GALNTL6: variants seen among roughly 807,000 people sequenced by gnomAD.
GALNTL6 encodes the protein polypeptide N-acetylgalactosaminyltransferase like 6.
A neutral mutation model predicts 73.7 loss-of-function variants in GALNTL6; 46 were observed. That is an observed-to-expected ratio of 0.62 (90% confidence interval 0.49 to 0.80). The LOEUF (loss-of-function observed/expected upper bound fraction) is 0.80, where lower values mean the gene tolerates loss of function less well. Among genes scored for constraint, GALNTL6 ranks in the 30% least tolerant of loss-of-function variants. The pLI, the probability that GALNTL6 is intolerant of heterozygous loss-of-function variation, is 0.00. For synonymous variants in GALNTL6, 259 were observed against 263.7 expected, an observed-to-expected ratio of 0.98 and a Z score of 0.17; for missense variants, 604 against 755.0, an observed-to-expected ratio of 0.80 and a Z score of 2.34.
chr4:172,110,895 G>T (rs1732831963), intron 2 of GALNTL6, among the ~76,000 whole-genome samples: 1 of 152,024 alleles, frequency 6.6e-6, no homozygotes, highest in Non-Finnish European at 1.5e-5. Flanking sequence ...ACCCACGGAA[G>T]AGAAAAGAAA....
chr4:172,024,871 C>A (rs1300941290), intron 2 of GALNTL6, among the ~76,000 whole-genome samples: 1 of 150,144 alleles, frequency 6.7e-6, no homozygotes, highest in African/African-American at 2.4e-5. Flanking sequence ...TTCCTTCCTC[C>A]CTGTCTAAAT....
intron 2 of GALNTL6, among the ~76,000 whole-genome samples, chr4:172,034,510 T>G (rs1192591929): frequency 6.6e-6 from 1 of 151,754 alleles, no homozygotes; most frequent in Non-Finnish European, 1.5e-5. Context: ...ATTCAGCATA[T>G]ATACTGTGGT....
intron 2 of GALNTL6, among the ~76,000 whole-genome samples, chr4:172,088,295 T>A (rs1376778541): frequency 6.6e-6 from 1 of 152,206 alleles, no homozygotes; most frequent in Non-Finnish European, 1.5e-5. Context: ...TTATTAGCCC[T>A]CTTCATCATA....
intron 5 of GALNTL6, among the ~76,000 whole-genome samples, chr4:172,594,382 T>C (rs1457118358): frequency 6.6e-6 from 1 of 152,122 alleles, no homozygotes; most frequent in East Asian, 1.9e-4. Context: ...TCAACTTCTA[T>C]TAATACCCAT....
chr4:172,197,354 T>C (rs1312463427), intron 2 of GALNTL6, among the ~76,000 whole-genome samples: 1 of 152,124 alleles, frequency 6.6e-6, no homozygotes, highest in Non-Finnish European at 1.5e-5. Context: ...ACCATGAAAA[T>C]GACCATACTG....
chr4:172,205,979 A>G (rs1736097580), intron 2 of GALNTL6, among the ~76,000 whole-genome samples: 2 of 152,116 alleles, frequency 1.3e-5, no homozygotes, highest in Non-Finnish European at 2.9e-5. Context: ...CCCACTACCT[A>G]CTCAGAGGTC....
chr4:171,850,737 G>A (rs1166133554), intron 2 of GALNTL6, among the ~76,000 whole-genome samples: 1 of 152,174 alleles, frequency 6.6e-6, no homozygotes, highest in Admixed American at 6.5e-5. Context: ...AGGGTATAAT[G>A]AGGCGTGTCT....
At chr4:172,057,882 G>T (rs912995717) in intron 2 of GALNTL6, among the ~76,000 whole-genome samples, 1 of 151,084 alleles carries the variant, frequency 6.6e-6, no homozygotes, top group African/African-American at 2.4e-5. Flanking sequence ...TTATTATGTG[G>T]ATACACACTT....
chr4:172,492,071 T>TAC (rs34725472), intron 5 of GALNTL6, among the ~76,000 whole-genome samples: 22,069 of 152,152 alleles, frequency 0.15, 1,838 homozygotes, highest in Non-Finnish European at 0.2. Flanking sequence ...GGAAGCGGTC[T>TAC]ATTCACTCAT....
intron 5 of GALNTL6, among the ~76,000 whole-genome samples, chr4:172,784,554 T>C (rs1739548639): frequency 1.3e-5 from 2 of 152,132 alleles, no homozygotes; most frequent in Non-Finnish European, 2.9e-5. Context: ...CTGAAGGCTC[T>C]AGGACAGAAT....
intron 3 of GALNTL6, among the ~76,000 whole-genome samples, chr4:172,238,514 T>C (rs1256782929): frequency 1.3e-5 from 2 of 152,014 alleles, no homozygotes; most frequent in Non-Finnish European, 1.5e-5. Flanking sequence ...GAATATGGGG[T>C]TTTCTAGTTA....
chr4:172,414,358 TTA>T (rs1444798788), intron 5 of GALNTL6, among the ~76,000 whole-genome samples: 3 of 152,264 alleles, frequency 2.0e-5, no homozygotes, highest in African/African-American at 7.2e-5. Context: ...TATTTCCAAC[TTA>T]TATGTGTATA....
intron 2 of GALNTL6, among the ~76,000 whole-genome samples, chr4:171,963,132 T>C (rs1739278543): frequency 6.6e-6 from 1 of 151,956 alleles, no homozygotes; most frequent in Non-Finnish European, 1.5e-5. Context: ...GCATCATTTT[T>C]AGTACTGTGC....
intron 2 of GALNTL6, among the ~76,000 whole-genome samples, chr4:171,888,443 G>C (rs10001311): frequency 0.24 from 36,762 of 150,718 alleles, 4,694 homozygotes; most frequent in Middle Eastern, 0.35. Context: ...TAGCAGTTTT[G>C]ATAACTCATA....
intron 2 of GALNTL6, among the ~76,000 whole-genome samples, chr4:172,167,888 A>G (rs985486984): frequency 1.2e-4 from 18 of 149,588 alleles, no homozygotes; most frequent in East Asian, 5.9e-4. Flanking sequence ...GAACCCGGGA[A>G]GCGGAGCTTG....
rs10013764 is a variant in GALNTL6, at chr4:172,852,196, A to C, written c.924-30594A>C. Among the ~76,000 whole-genome samples the C allele has an allele frequency of 3.1e-3, 474 of 152,222 alleles. 2 individuals carry two copies. Among genetic ancestry groups the C allele is most frequent in the African/African-American group, 0.011 (440 of 41,570 alleles). On this transcript the variant is annotated intron_variant, in intron 7 of 12. Transcript: ENST00000506823. Reference sequence around the variant, plus strand: ...GTAAACCCCAAAACCTCAGCAGCTCAGCATATTCGAAGTGTTTTTTCACTC... The same window carrying C: ...GTAAACCCCAAAACCTCAGCAGCTCCGCATATTCGAAGTGTTTTTTCACTC...
At chr4:171,900,483 ATT>A (rs10713519) in intron 2 of GALNTL6, among the ~76,000 whole-genome samples, 35,554 of 141,346 alleles carry the variant, frequency 0.25, 4,461 homozygotes, top group Middle Eastern at 0.35. Context: ...AATTTTTTGT[ATT>A]TTTTTTTTTT....
At chr4:171,940,860 T>TAAAC (rs1323077848) in intron 2 of GALNTL6, among the ~76,000 whole-genome samples, 1 of 142,272 alleles carries the variant, frequency 7.0e-6, no homozygotes, top group Non-Finnish European at 1.5e-5. Context: ...AATAAATAAA[T>TAAAC]AAATATATAA....
rs1292193451 is a variant in GALNTL6, at chr4:173,040,945, C to A, written c.*845C>A. The A allele has an allele frequency of 2.6e-5, 4 of 152,456 alleles. No homozygotes were observed. Among genetic ancestry groups the A allele is most frequent in the Non-Finnish European group, 5.9e-5 (4 of 68,018 alleles). The allele number at this position is 152,456 out of a possible 1,614,324, so 9.4% of individuals were successfully genotyped here. On this transcript the variant is annotated 3_prime_UTR_variant, in exon 13 of 13. Transcript: ENST00000506823. ...TAGGAGAGGGACTTCCCTGGGAAAT[C>A]TATTTTTACTTTTCTATTATTTTTA...
Sources: allele counts gnomAD v4.1 joint callset (sites outside exome capture counted in the v4.1 genomes callset), GRCh38; gene constraint gnomAD v4.1.1; transcripts MANE v1.5; gene names NCBI Gene and HGNC (gene_info 2026-07-23, HGNC 2026-07-21).